SLC39A11: variants seen among roughly 807,000 people sequenced by gnomAD.
SLC39A11 encodes zinc transporter ZIP11.
SLC39A11 carries 33 observed loss-of-function variants against 36.1 expected under a neutral mutation model. The observed-to-expected ratio is 0.91, with a 90% confidence interval of 0.69 to 1.22. The LOEUF is 1.22. Among genes scored for constraint, SLC39A11 ranks in the 50% most tolerant of loss-of-function variants. SLC39A11 has a pLI of 0.00. For missense variants in SLC39A11, 432 were observed against 430.3 expected, an observed-to-expected ratio of 1.00 and a Z score of -0.03; for synonymous variants, 166 against 170.3, an observed-to-expected ratio of 0.97 and a Z score of 0.20.
chr17:72,812,691 G>A (rs1374173350), intron 6 of SLC39A11, among the ~76,000 whole-genome samples: 6 of 152,112 alleles, frequency 3.9e-5, no homozygotes, highest in Admixed American at 2.0e-4. Flanking sequence ...TTCCAAAGTC[G>A]TCTTTTTACG....
intron 4 of SLC39A11, among the ~76,000 whole-genome samples, chr17:73,030,808 G>A (rs9675172): frequency 0.16 from 24,385 of 152,048 alleles, 4,247 homozygotes; most frequent in African/African-American, 0.43. Flanking sequence ...GGTTCCCATC[G>A]CATGACCTGG....
At chr17:72,761,111 C>T (rs1438819897) in intron 6 of SLC39A11, among the ~76,000 whole-genome samples, 1 of 152,044 alleles carries the variant, frequency 6.6e-6, no homozygotes, top group African/African-American at 2.4e-5. Context: ...CCAGGCCTTC[C>T]AATTTTTGTT....
intron 7 of SLC39A11, among the ~76,000 whole-genome samples, chr17:72,716,896 G>T (rs546752503): frequency 1.3e-5 from 2 of 150,770 alleles, no homozygotes; most frequent in East Asian, 1.9e-4. Context: ...TTGAACTCAG[G>T]GGGTGGAGGT....
intron 7 of SLC39A11, among the ~76,000 whole-genome samples, chr17:72,676,370 G>C (rs999246354): frequency 6.6e-6 from 1 of 152,162 alleles, no homozygotes; most frequent in African/African-American, 2.4e-5. Context: ...TTTGAAGGCA[G>C]ATGGAGAGAG....
intron 6 of SLC39A11, among the ~76,000 whole-genome samples, chr17:72,784,520 C>T (rs895083371): frequency 8.6e-5 from 13 of 152,038 alleles, no homozygotes; most frequent in African/African-American, 1.9e-4. Flanking sequence ...TGATATAGTT[C>T]GGATATTTGA....
intron 7 of SLC39A11, among the ~76,000 whole-genome samples, chr17:72,701,727 C>CAAAAAA (rs57220008): frequency 3.2e-4 from 28 of 88,706 alleles, no homozygotes; most frequent in Admixed American, 3.7e-4. Context: ...GATTCTGTCT[C>CAAAAAA]AAAAAAAAAA....
intron 6 of SLC39A11, among the ~76,000 whole-genome samples, chr17:72,811,595 C>A (rs912282163): frequency 6.6e-6 from 1 of 152,206 alleles, no homozygotes; most frequent in Non-Finnish European, 1.5e-5. Flanking sequence ...TCTCCCTGTT[C>A]TACTATCAGT....
At chr17:72,846,018 CTTTTTTTTTTTTTTTTTTT>C (rs569100122) in intron 6 of SLC39A11, among the ~76,000 whole-genome samples, 1 of 57,950 alleles carries the variant, frequency 1.7e-5, no homozygotes, top group South Asian at 6.9e-4. Flanking sequence ...CTCTCTCTCT[CTTTTTTTTTTTTTTTTTTT>C]TTTTTTTTTT....
At chr17:73,046,126 C>G (rs753985498) in intron 3 of SLC39A11, among the ~76,000 whole-genome samples, 1 of 152,176 alleles carries the variant, frequency 6.6e-6, no homozygotes, top group African/African-American at 2.4e-5. Flanking sequence ...AGTTTCTCCC[C>G]CTTCACTCAT....
intron 5 of SLC39A11, among the ~76,000 whole-genome samples, chr17:72,872,359 G>T (rs73358751): frequency 0.032 from 4,813 of 152,230 alleles, 78 homozygotes; most frequent in African/African-American, 0.042. Flanking sequence ...AGGGCCAGAT[G>T]GGTACAAACC....
chr17:72,992,501 T>A (rs2089243352), intron 4 of SLC39A11, among the ~76,000 whole-genome samples: 2 of 152,278 alleles, frequency 1.3e-5, no homozygotes, highest in South Asian at 2.1e-4. Flanking sequence ...TCAATTTTTT[T>A]ACTGTGCACG....
chr17:72,698,818 G>A (rs956125291), intron 7 of SLC39A11, among the ~76,000 whole-genome samples: 3 of 152,058 alleles, frequency 2.0e-5, no homozygotes, highest in Non-Finnish European at 2.9e-5. Context: ...GCTCTGGGGT[G>A]TGGAGGTTGG....
chr17:72,672,773 T>TA (rs1189990996), intron 7 of SLC39A11, among the ~76,000 whole-genome samples: 1 of 152,110 alleles, frequency 6.6e-6, no homozygotes, highest in South Asian at 2.1e-4. Context: ...TAATTTTTTT[T>TA]ATTTTTTGGT....
rs183264419 is a variant in SLC39A11, at chr17:72,967,228, C to T, written c.307-19353G>A. ...TGAATCATCCCACAACCATCCATCC[C>T]CCGCTCTGTAGAAAAATTGTCTTCC... On this transcript the variant is annotated intron_variant, in intron 4 of 9. Transcript: ENST00000255559. Among the ~76,000 whole-genome samples the T allele has an allele frequency of 5.9e-5, 9 of 152,238 alleles. No individual in the cohort carries two copies. The East Asian group carries it at 1.7e-3, about 29-fold the overall frequency.
chr17:72,856,084 A>G (rs1393504800), intron 5 of SLC39A11, among the ~76,000 whole-genome samples: 1 of 152,148 alleles, frequency 6.6e-6, no homozygotes, highest in Non-Finnish European at 1.5e-5. Flanking sequence ...GTATATAAAC[A>G]ATCAGAAATT....
At chr17:72,992,995 T>C (rs1217110399) in intron 4 of SLC39A11, 1 of 152,174 alleles carries the variant, frequency 6.6e-6, no homozygotes. Context: ...CTCCCCCTTA[T>C]AAAACCATCA....
intron 6 of SLC39A11, among the ~76,000 whole-genome samples, chr17:72,781,787 T>C (rs2076327244): frequency 6.6e-6 from 1 of 151,926 alleles, no homozygotes; most frequent in South Asian, 2.1e-4. Flanking sequence ...TTACTAACAT[T>C]CTTGAAAAAG....
Position 72,846,018 on chromosome 17 carries a change from C to CTTTTT in SLC39A11, c.601+3611_601+3615dup, listed in dbSNP as rs569100122. The stretch of plus-strand genomic sequence containing the variant: ...CCAATGAATCTCTCTCTCTCTCTCT[C>CTTTTT]TTTTTTTTTTTTTTTTTTTTTTTTT... On this transcript the variant is annotated intron_variant, in intron 6 of 9. Transcript: ENST00000255559. 2.3e-3 allele frequency among the ~76,000 whole-genome samples: 135 copies of CTTTTT among 57,960 alleles called. 20 individuals carry two copies. The highest frequency in any genetic ancestry group is 5.1e-3 in the African/African-American group (60 of 11,712). The allele number at this position is 57,960 out of a possible 152,430, so 38.0% of individuals were successfully genotyped here.
chr17:73,009,608 G>A lies in SLC39A11; in HGVS notation c.306+21948C>T, dbSNP rs139206068. 2.6e-4 allele frequency among the ~76,000 whole-genome samples: 40 copies of A among 152,194 alleles called. 1 individual carries two copies. In the South Asian group the frequency reaches 7.9e-3, roughly 30 times the overall value. On this transcript the variant is annotated intron_variant, in intron 4 of 9. Coordinates refer to ENST00000255559, the MANE Select transcript of SLC39A11 (RefSeq NM_139177.4). ...CTTAATAGGCATGGGGTTTCCTTGGGGGGGTGATGAAAATGTGTGGAATTT... is the reference window on the plus strand; with the variant it reads ...CTTAATAGGCATGGGGTTTCCTTGGAGGGGTGATGAAAATGTGTGGAATTT...
Sources: gnomAD v4.1 joint callset for allele counts (sites outside exome capture counted in the v4.1 genomes callset) on GRCh38, gnomAD v4.1.1 for gene constraint, MANE v1.5 for transcripts, NCBI Gene and HGNC (gene_info 2026-07-23, HGNC 2026-07-21) for gene names.